The following CPSF3 variants were observed in gnomAD, a reference collection of about 807,000 sequenced individuals.
CPSF3 encodes the protein cleavage and polyadenylation specificity factor subunit 3.
A neutral mutation model predicts 84.1 loss-of-function variants in CPSF3; 57 were observed. That is an observed-to-expected ratio of 0.68 (90% confidence interval 0.55 to 0.85). The LOEUF is 0.85. CPSF3 is among the 40% of genes least tolerant of loss of function. The pLI, the probability that CPSF3 is intolerant of heterozygous loss-of-function variation, is 0.00. For synonymous variants in CPSF3, 275 were observed against 278.1 expected (o/e 0.99, Z 0.11); for missense variants, 522 against 838.8 (o/e 0.62, Z 4.66).
chr2:9,443,613 T>C lies in CPSF3; in HGVS notation c.1194T>C (p.Asp398=). The change falls in exon 10 of 18, where the codon GAT becomes GAC. Residue 398 remains aspartate (D), a synonymous_variant. Transcript: ENST00000238112. ...VDYISFSAHT[D]YQQTSEFIRA... The stretch of plus-strand genomic sequence containing the variant: ...ACATTTCTTTCTCAGCTCACACGGA[T>C]TACCAGCAAACCAGTGAATTTATTC... 3 of 1,614,194 alleles carry C rather than the reference T, an allele frequency of 1.9e-6. No individual in the cohort carries two copies. The highest frequency in any genetic ancestry group is 2.5e-6 in the Non-Finnish European group (3 of 1,180,038).
intron 16 of CPSF3, among the ~76,000 whole-genome samples, chr2:9,470,423 C>T (rs1682125575): frequency 6.6e-6 from 1 of 152,164 alleles, no homozygotes; most frequent in Admixed American, 6.5e-5. Context: ...GAGTCACTGC[C>T]TGCCTTTCTT....
intron 2 of CPSF3, among the ~76,000 whole-genome samples, chr2:9,429,089 C>T (rs1200339709): frequency 6.6e-6 from 1 of 152,218 alleles, no homozygotes; most frequent in Non-Finnish European, 1.5e-5. Flanking sequence ...TCTTCCACTC[C>T]TGAAGGGTTG....
chr2:9,467,568 C>G (rs1682019140), intron 15 of CPSF3, 139 bp from the exon 16 acceptor site: 2 of 521,850 alleles, frequency 3.8e-6, no homozygotes, highest in East Asian at 6.4e-5. Flanking sequence ...GCAAATAATA[C>G]AAATCCCTGC....
chr2:9,449,304 C>A (rs1572788836), intron 11 of CPSF3, among the ~76,000 whole-genome samples: 3 of 151,996 alleles, frequency 2.0e-5, no homozygotes, highest in Non-Finnish European at 4.4e-5. Flanking sequence ...GCGGGAGAAT[C>A]CCTTGAACCC....
intron 4 of CPSF3, among the ~76,000 whole-genome samples, chr2:9,432,002 A>G (rs1394768552): frequency 2.0e-5 from 3 of 152,204 alleles, no homozygotes; most frequent in Non-Finnish European, 4.4e-5. Context: ...TTGAACCCAA[A>G]CAATCTGGCT....
chr2:9,469,674 A>G (rs1233358557), intron 16 of CPSF3, among the ~76,000 whole-genome samples: 5 of 151,608 alleles, frequency 3.3e-5, no homozygotes, highest in African/African-American at 4.9e-5. Context: ...CAAACACACC[A>G]GAACTATTCA....
chr2:9,433,988 C>A, intron 6 of CPSF3, 28 bp downstream of exon 6: 1 of 1,293,338 alleles, frequency 7.7e-7, no homozygotes, highest in South Asian at 1.3e-5. Context: ...ATATTGTAAT[C>A]AATGTAATGT....
In CPSF3 at chr2:9,459,625, G is replaced by GTTCATTT. The variant is rs779527986; in HGVS notation, c.1786+10_1786+16dup. The GTTCATTT allele has an allele frequency of 2.1e-6, 1 of 471,254 alleles. No homozygotes were observed. Among genetic ancestry groups the GTTCATTT allele is most frequent in the South Asian group, 1.9e-5 (1 of 52,606 alleles). The allele number at this position is 471,254 out of a possible 1,614,324, so 29.2% of individuals were successfully genotyped here. A position where few individuals can be genotyped will look rare whatever the true frequency, so the allele number is the denominator to read the frequency against. On this transcript the variant is annotated splice_region_variant and intron_variant, in intron 15 of 17. Coordinates refer to ENST00000238112, the MANE Select transcript of CPSF3 (RefSeq NM_016207.4). ...AATCCCAAAATAAGAAAAGGTAAGA[G>GTTCATTT]TTCATTTTTATCCTTTTTTTTTTTT...
chr2:9,457,228 G>A (rs1381132540), intron 14 of CPSF3, among the ~76,000 whole-genome samples: 4 of 150,460 alleles, frequency 2.7e-5, no homozygotes, highest in African/African-American at 7.3e-5. Context: ...TTAAGTAGCT[G>A]AGCATTTTCT....
chr2:9,444,682 T>A (rs1380550278), intron 10 of CPSF3, among the ~76,000 whole-genome samples: 1 of 143,580 alleles, frequency 7.0e-6, no homozygotes, highest in Non-Finnish European at 1.5e-5. Context: ...GTTTGTTTGT[T>A]TGGATGAAGT....
intron 1 of CPSF3, among the ~76,000 whole-genome samples, chr2:9,428,179 G>GTTTTTTT (rs1680456096): frequency 6.9e-6 from 1 of 144,186 alleles, no homozygotes; most frequent in African/African-American, 2.9e-5. Context: ...TGTATTTTTA[G>GTTTTTTT]TAGAGACGGG....
In CPSF3 at chr2:9,428,698, T is replaced by C. The variant is rs560603740; in HGVS notation, c.51-67T>C. ...GCATGTAGTGTACATTGTAAAAAAG[T>C]GTAAGTTTATTGGACTTGGTTTTGA... On this transcript the variant is annotated intron_variant, in intron 1 of 17. Transcript: ENST00000238112. 3.7e-6 allele frequency: 4 copies of C among 1,093,082 alleles called. No individual in the cohort carries two copies. In the African/African-American group the frequency reaches 6.2e-5, roughly 17 times the overall value. The allele number at this position is 1,093,082 out of a possible 1,614,324, so 67.7% of individuals were successfully genotyped here. A position where few individuals can be genotyped will look rare whatever the true frequency, so the allele number is the denominator to read the frequency against.
rs1680517842 is a variant in CPSF3 at position 9,429,875 on chromosome 2, T to C, written c.115-48T>C. 4 of 1,305,946 alleles carry C rather than the reference T, an allele frequency of 3.1e-6. No homozygotes were observed. In the East Asian group the frequency reaches 9.7e-5, roughly 32 times the overall value. The allele number at this position is 1,305,946 out of a possible 1,614,324, so 80.9% of individuals were successfully genotyped here. Reference sequence around the variant, plus strand: ...TTATTGCCTATTTGCCGAATGAATTTTAATAAAATGTGCAGGAGATTGTGA... The same window carrying C: ...TTATTGCCTATTTGCCGAATGAATTCTAATAAAATGTGCAGGAGATTGTGA... On this transcript the variant is annotated intron_variant, in intron 2 of 17. Coordinates refer to ENST00000238112, the MANE Select transcript of CPSF3 (RefSeq NM_016207.4).
At chr2:9,441,594 A>G in intron 8 of CPSF3, 1 of 501,204 alleles carries the variant, frequency 2.0e-6, no homozygotes, top group Non-Finnish European at 3.6e-6. Context: ...AAGGTTTTGA[A>G]GATCGGGGTG....
chr2:9,472,906 T>A lies in CPSF3; in HGVS notation c.1954-10T>A. On this transcript the variant is annotated splice_polypyrimidine_tract_variant and intron_variant, in intron 17 of 17. Transcript: ENST00000238112. ...TAATTCTAACAGTCTTGTTTGTGCC[T>A]CACTTTCAGACTGTAGAATGTGAAG... 1 of 1,558,616 alleles carries A rather than the reference T, an allele frequency of 6.4e-7. No individual in the cohort carries two copies. Among genetic ancestry groups the A allele is most frequent in the East Asian group, 2.2e-5 (1 of 44,586 alleles).
intron 1 of CPSF3, among the ~76,000 whole-genome samples, chr2:9,426,132 A>G (rs928190627): frequency 1.3e-5 from 2 of 152,242 alleles, no homozygotes; most frequent in African/African-American, 2.4e-5. Flanking sequence ...GCAATACAGC[A>G]GTGAATAAGA....
intron 14 of CPSF3, among the ~76,000 whole-genome samples, chr2:9,458,413 AAAAG>A (rs1006210260): frequency 2.0e-5 from 3 of 152,226 alleles, no homozygotes; most frequent in East Asian, 1.9e-4. Flanking sequence ...CAAAAGAAAA[AAAAG>A]AAAGAAAGTG....
intron 15 of CPSF3, among the ~76,000 whole-genome samples, chr2:9,466,214 A>ACACGCACGCACACACACACGTGCGCG (rs1388493601): frequency 6.7e-6 from 1 of 149,902 alleles, no homozygotes; most frequent in African/African-American, 2.5e-5. Flanking sequence ...ACACGCGCAC[A>ACACGCACGCACACACACACGTGCGCG]CACGCACGCA....
intron 11 of CPSF3, among the ~76,000 whole-genome samples, chr2:9,449,553 G>T (rs1300589045): frequency 1.3e-5 from 2 of 152,096 alleles, no homozygotes; most frequent in African/African-American, 2.4e-5. Context: ...ACCAGGCTCG[G>T]CAACGTGGTG....
Sources: allele counts gnomAD v4.1 joint callset (sites outside exome capture counted in the v4.1 genomes callset), GRCh38; gene constraint gnomAD v4.1.1; transcripts MANE v1.5; gene names NCBI Gene and HGNC (gene_info 2026-07-23, HGNC 2026-07-21).